Variants in SYBU observed in about 807,000 individuals in gnomAD.
The protein encoded by SYBU is syntabulin, also known as GOLSYN A protein.
SYBU carries 21 observed loss-of-function variants against 35.9 expected under a neutral mutation model. The ratio of observed to expected loss-of-function variants is 0.58; its 90% confidence interval spans 0.41 to 0.84. SYBU has a LOEUF of 0.84. SYBU is among the 40% of genes least tolerant of loss of function. SYBU has a pLI of 0.00. For missense variants in SYBU, 768 were observed against 848.2 expected (o/e 0.91, Z 1.17); for synonymous variants, 319 against 324.3 (o/e 0.98, Z 0.18).
chr8:109,673,325 C>G (rs1817059497), intron 1 of SYBU, among the ~76,000 whole-genome samples: 1 of 152,132 alleles, frequency 6.6e-6, no homozygotes, highest in South Asian at 2.1e-4. Flanking sequence ...GATGAAGCTC[C>G]CAGGGGAAGG....
intron 2 of SYBU, among the ~76,000 whole-genome samples, chr8:109,622,212 T>TCTAC (rs903754776): frequency 6.8e-6 from 1 of 147,984 alleles, no homozygotes; most frequent in Non-Finnish European, 1.5e-5. Context: ...TATCTATCTA[T>TCTAC]CTATCTATCT....
chr8:109,585,056 C>G (rs1434320914), intron 4 of SYBU, among the ~76,000 whole-genome samples: 1 of 152,110 alleles, frequency 6.6e-6, no homozygotes, highest in Non-Finnish European at 1.5e-5. Context: ...ATCTCCTTCC[C>G]CTGAGTGTTT....
intron 2 of SYBU, among the ~76,000 whole-genome samples, chr8:109,620,605 C>G (rs1041453090): frequency 6.6e-6 from 1 of 152,164 alleles, no homozygotes; most frequent in Non-Finnish European, 1.5e-5. Flanking sequence ...GGTCTATCAG[C>G]ATACGCAGGA....
upstream of SYBU, among the ~76,000 whole-genome samples, chr8:109,683,877 C>A (rs577413798): frequency 7.9e-5 from 12 of 152,238 alleles, no homozygotes; most frequent in East Asian, 2.3e-3. Context: ...TAAGGAGCTT[C>A]CCCCCTTTTT....
intron 4 of SYBU, among the ~76,000 whole-genome samples, chr8:109,581,424 C>A (rs1381322257): frequency 6.6e-6 from 1 of 152,128 alleles, no homozygotes; most frequent in African/African-American, 2.4e-5. Flanking sequence ...GAGTACATTC[C>A]ACAAGCTATT....
Position 109,577,910 on chromosome 8 carries a change from A to C in SYBU, c.842T>G (p.Leu281Arg). The C allele has an allele frequency of 1.2e-6, 2 of 1,613,802 alleles. No homozygotes were observed. The highest frequency in any genetic ancestry group is 1.7e-6 in the Non-Finnish European group (2 of 1,179,890). ...LQQKEVTVRH[L>R]KTKLKESERR... ...CTCAGATTCCTTCAGCTTGGTTTTG[A>C]GGTGTCTCACTGTCACCTCTTTCTG... The change falls in exon 6 of 7, where the codon CTC (leucine) becomes CGC (arginine). Residue 281 changes from leucine to arginine, a missense_variant. By Grantham distance (102) the Leu-to-Arg change is moderately radical. Transcript: ENST00000276646.
chr8:109,629,681 A>C (rs1159159070), intron 2 of SYBU, among the ~76,000 whole-genome samples: 1 of 151,942 alleles, frequency 6.6e-6, no homozygotes, highest in Non-Finnish European at 1.5e-5. Context: ...GGCTGGGTCA[A>C]ATGGTATTTC....
chr8:109,621,805 C>T (rs570602469), intron 2 of SYBU, among the ~76,000 whole-genome samples: 1 of 152,122 alleles, frequency 6.6e-6, no homozygotes, highest in South Asian at 2.1e-4. Context: ...GTCTAATGCA[C>T]CCGACACTAA....
chr8:109,645,318 C>T (rs1815540505), upstream of SYBU: 1 of 456,590 alleles, frequency 2.2e-6, no homozygotes, highest in Admixed American at 2.3e-5. Flanking sequence ...TGCGTCAGGA[C>T]CGACACAGCC....
chr8:109,640,566 G>A (rs1361150596), intron 2 of SYBU, among the ~76,000 whole-genome samples: 2 of 152,034 alleles, frequency 1.3e-5, no homozygotes, highest in Non-Finnish European at 2.9e-5. Context: ...CAGAGTTAAA[G>A]TAAACAGCAT....
intron 2 of SYBU, among the ~76,000 whole-genome samples, chr8:109,633,995 A>G (rs1363491982): frequency 6.6e-6 from 1 of 152,100 alleles, no homozygotes; most frequent in Non-Finnish European, 1.5e-5. Context: ...CGGCTTCCCA[A>G]AGTGCTGGGA....
chr8:109,669,355 A>C (rs910205615), intron 1 of SYBU, among the ~76,000 whole-genome samples: 7 of 151,064 alleles, frequency 4.6e-5, no homozygotes, highest in Middle Eastern at 6.9e-3. Flanking sequence ...AAAAAAAAAA[A>C]AAAAAAAAAA....
chr8:109,600,582 T>C (rs997013395), intron 3 of SYBU, among the ~76,000 whole-genome samples: 3 of 152,130 alleles, frequency 2.0e-5, no homozygotes, highest in African/African-American at 7.2e-5. Flanking sequence ...ATCATTAACT[T>C]TGAGAAACTG....
In SYBU at chr8:109,671,132, C is replaced by T. The variant is rs543984935; in HGVS notation, c.-129+9579G>A. On this transcript the variant is annotated intron_variant, in intron 1 of 5. Transcript: ENST00000408889. ...ATGTGTAATGTTGGTTCCCTACCCC[C>T]ATAATAATTCTTTCAGAAAGAATGA... Among the ~76,000 whole-genome samples the T allele has an allele frequency of 6.1e-4, 93 of 152,170 alleles. No homozygotes were observed. In the Middle Eastern group the frequency reaches 0.01, roughly 17 times the overall value.
chr8:109,593,110 A>G (rs914209295), intron 3 of SYBU, among the ~76,000 whole-genome samples: 2 of 152,210 alleles, frequency 1.3e-5, no homozygotes, highest in African/African-American at 4.8e-5. Context: ...CCAGTTCAGA[A>G]GATCTGGGAG....
intron 1 of SYBU, among the ~76,000 whole-genome samples, chr8:109,673,901 A>T (rs1020097330): frequency 6.6e-6 from 1 of 151,736 alleles, no homozygotes; most frequent in Non-Finnish European, 1.5e-5. Context: ...AAGTATCAAT[A>T]GCCAAATTGA....
intron 4 of SYBU, among the ~76,000 whole-genome samples, chr8:109,582,664 T>G (rs1042378645): frequency 6.6e-6 from 1 of 152,170 alleles, no homozygotes; most frequent in African/African-American, 2.4e-5. Context: ...ATCGTCATCA[T>G]CATCATCACC....
chr8:109,614,641 A>G (rs1462458888), intron 3 of SYBU, among the ~76,000 whole-genome samples: 4 of 152,240 alleles, frequency 2.6e-5, no homozygotes, highest in Non-Finnish European at 5.9e-5. Context: ...TTCTCATTTA[A>G]GTATTTATTG....
intron 1 of SYBU, chr8:109,643,209 C>G (rs1428127916): frequency 3.6e-6 from 4 of 1,117,522 alleles, no homozygotes; most frequent in Non-Finnish European, 3.3e-6. Context: ...GAAGGCCATC[C>G]TACTTCCCTA....
Sources: allele counts gnomAD v4.1 joint callset (sites outside exome capture counted in the v4.1 genomes callset), GRCh38; gene constraint gnomAD v4.1.1; transcripts MANE v1.5; gene names NCBI Gene and HGNC (gene_info 2026-07-23, HGNC 2026-07-21).